Variants in STK4 observed in about 807,000 individuals in gnomAD.
The protein encoded by STK4 is serine/threonine-protein kinase 4.
STK4 carries 30 observed loss-of-function variants against 64.9 expected under a neutral mutation model. That is an observed-to-expected ratio of 0.46 (90% CI 0.35 to 0.63). STK4 has a LOEUF of 0.63. STK4 is among the 20% of genes least tolerant of loss of function. STK4 has a pLI of 0.01. For missense variants in STK4, 466 were observed against 598.5 expected, an observed-to-expected ratio of 0.78 and a Z score of 2.31; for synonymous variants, 177 against 199.0, an observed-to-expected ratio of 0.89 and a Z score of 0.93.
intron 4 of STK4, among the ~76,000 whole-genome samples, chr20:44,986,438 G>A (rs957721248): frequency 2.6e-5 from 4 of 152,212 alleles, no homozygotes; most frequent in Non-Finnish European, 5.9e-5. Context: ...GATTGAGCAA[G>A]GTAGAAAGTG....
chr20:45,008,094 G>GC (rs1290995533), intron 9 of STK4, among the ~76,000 whole-genome samples: 1 of 152,048 alleles, frequency 6.6e-6, no homozygotes, highest in Non-Finnish European at 1.5e-5. Flanking sequence ...TTGCTCTGTC[G>GC]CCCAGGCTGG....
intron 10 of STK4, among the ~76,000 whole-genome samples, chr20:45,071,932 A>AT (rs1202994887): frequency 1.3e-5 from 2 of 151,384 alleles, no homozygotes; most frequent in Non-Finnish European, 2.9e-5. Flanking sequence ...CACCTGGCTA[A>AT]TTTTTTTTCC....
chr20:45,020,809 T>C (rs1353605270), intron 9 of STK4, among the ~76,000 whole-genome samples: 1 of 142,684 alleles, frequency 7.0e-6, no homozygotes, highest in Non-Finnish European at 1.6e-5. Context: ...TAGTAAAATA[T>C]ACAAGACTTT....
At position 45,053,909 on chromosome 20, in the gene STK4, G is replaced by GT. The variant is rs1206966060; in HGVS notation, c.1306-21099dup. Among the ~76,000 whole-genome samples the GT allele has an allele frequency of 2.3e-3, 331 of 145,620 alleles. 2 individuals carry two copies. Among genetic ancestry groups the GT allele is most frequent in the African/African-American group, 6.9e-3 (271 of 39,166 alleles). On this transcript the variant is annotated intron_variant, in intron 10 of 10. Transcript: ENST00000372806. The stretch of plus-strand genomic sequence containing the variant: ...AGATAGTAGTTTTTTTTTGTTTTTT[G>GT]TTTTTTTTTTCAGCCAAAATTTGTC...
intron 10 of STK4, among the ~76,000 whole-genome samples, chr20:45,059,363 G>A (rs750076364): frequency 5.3e-5 from 8 of 152,008 alleles, no homozygotes; most frequent in Non-Finnish European, 1.0e-4. Context: ...GTTTCTCTTC[G>A]GCATATGTGA....
At position 44,971,116 on chromosome 20, in the gene STK4, CACACACACAT is replaced by C. The variant is rs1373715778; in HGVS notation, c.36-960_36-951del. ...ACACACACACACACACACACACACA[CACACACACAT>C]ATTCCTTGGCAAGTTCCTTCTTTAA... On this transcript the variant is annotated intron_variant, in intron 1 of 10. Coordinates refer to ENST00000372806, the MANE Select transcript of STK4 (RefSeq NM_006282.5). 4.2e-3 allele frequency among the ~76,000 whole-genome samples: 564 copies of C among 134,806 alleles called. 1 individual carries two copies. Among genetic ancestry groups the C allele is most frequent in the African/African-American group, 0.014 (528 of 38,722 alleles). 88.4% of individuals were successfully genotyped at this position (134,806 alleles called of 152,430 possible). A position where few individuals can be genotyped will look rare whatever the true frequency, so the allele number is the denominator to read the frequency against.
chr20:44,989,367 CG>C (rs1488040697), intron 5 of STK4, among the ~76,000 whole-genome samples: 1 of 151,952 alleles, frequency 6.6e-6, no homozygotes, highest in Admixed American at 6.6e-5. Flanking sequence ...CTAGTGATGT[CG>C]ACTGTCATTT....
chr20:45,075,159 C>T lies in STK4; in HGVS notation c.1447C>T (p.Arg483Trp), dbSNP rs201951179. ...GGATGCCATAGAGGCTAAGAAGAGA[C>T]GGCAACAAAACTTCTGAGCAAGGCC... Reference protein sequence around the residue: ...ILDAIEAKKRRQQNF With the variant: ...ILDAIEAKKRWQQNF The change falls in exon 11 of 11, where the codon CGG becomes TGG. Residue 483 changes from arginine to tryptophan, a missense_variant. Around this residue, in one of 2 missense-constraint regions of STK4, gnomAD observed 276 missense variants for 308.9 expected, o/e 0.89. Transcript: ENST00000372806. 3.5e-5 allele frequency: 56 copies of T among 1,613,916 alleles called. No homozygotes were observed. Among genetic ancestry groups the T allele is most frequent in the Admixed American group, 1.2e-4 (7 of 60,018 alleles).
At chr20:45,038,220 A>G (rs1453814305) in intron 10 of STK4, among the ~76,000 whole-genome samples, 1 of 152,056 alleles carries the variant, frequency 6.6e-6, no homozygotes, top group East Asian at 1.9e-4. Flanking sequence ...CTTCACCTCC[A>G]CTATTCACCC....
intron 9 of STK4, among the ~76,000 whole-genome samples, chr20:45,024,304 GT>G (rs371930369): frequency 6.2e-4 from 89 of 143,780 alleles, no homozygotes; most frequent in Middle Eastern, 3.7e-3. Flanking sequence ...TTTTCCCCTA[GT>G]TTTTTTTTTT....
chr20:45,025,941 T>C (rs1377885731), intron 10 of STK4, among the ~76,000 whole-genome samples: 1 of 152,158 alleles, frequency 6.6e-6, no homozygotes, highest in East Asian at 1.9e-4. Context: ...ACGCCATTCT[T>C]CCATAACTTA....
At chr20:45,008,583 GT>G (rs1226310822) in intron 9 of STK4, among the ~76,000 whole-genome samples, 1 of 152,152 alleles carries the variant, frequency 6.6e-6, no homozygotes, top group African/African-American at 2.4e-5. Context: ...TGGGATTGGT[GT>G]TTTAAGTTCT....
At chr20:45,053,310 C>T (rs2284275) in intron 10 of STK4, 300,819 of 677,412 alleles carry the variant, frequency 0.44, 70,008 homozygotes, top group Non-Finnish European at 0.48. Flanking sequence ...TAAATGCCTG[C>T]GGTTTTTGAC....
At position 44,978,591 on chromosome 20, in the gene STK4, C is replaced by G; in HGVS notation, c.245+20C>G. 2 of 1,611,400 alleles carry G rather than the reference C, an allele frequency of 1.2e-6. No individual in the cohort carries two copies. The highest frequency in any genetic ancestry group is 1.7e-6 in the Non-Finnish European group (2 of 1,178,866). On this transcript the variant is annotated intron_variant, in intron 3 of 10. Coordinates refer to ENST00000372806, the MANE Select transcript of STK4 (RefSeq NM_006282.5). ...TGACAGGTAAAGGCATGTGGGCTTC[C>G]TTTGGGGAGAATGTGGTTTTGAATT... is the stretch of plus-strand genomic sequence containing the variant.
intron 5 of STK4, among the ~76,000 whole-genome samples, chr20:44,993,672 T>C (rs1458128854): frequency 6.6e-6 from 1 of 152,176 alleles, no homozygotes. Context: ...TTTTCGTATT[T>C]AGTTCTGTTT....
At chr20:44,979,727 C>T (rs1444354354) in intron 3 of STK4, among the ~76,000 whole-genome samples, 3 of 152,264 alleles carry the variant, frequency 2.0e-5, no homozygotes, top group African/African-American at 7.2e-5. Context: ...GCCTTTCAGT[C>T]TCACAGACTT....
intron 9 of STK4, among the ~76,000 whole-genome samples, chr20:45,017,005 GA>G (rs1451402259): frequency 1.3e-5 from 2 of 152,140 alleles, no homozygotes; most frequent in Non-Finnish European, 2.9e-5. Context: ...AATTTAAGTG[GA>G]TCTATAAAGA....
chr20:44,990,445 A>AC (rs1018201511), intron 5 of STK4, among the ~76,000 whole-genome samples: 6 of 152,236 alleles, frequency 3.9e-5, no homozygotes, highest in African/African-American at 1.2e-4. Flanking sequence ...TTTTGTTAAA[A>AC]AAAATGAGAT....
At chr20:45,026,136 T>G (rs1369218630) in intron 10 of STK4, among the ~76,000 whole-genome samples, 1 of 151,362 alleles carries the variant, frequency 6.6e-6, no homozygotes, top group African/African-American at 2.4e-5. Flanking sequence ...TGGTTTTTTT[T>G]TTTTTTTTTG....
Sources: allele counts gnomAD v4.1 joint callset (sites outside exome capture counted in the v4.1 genomes callset), GRCh38; gene constraint gnomAD v4.1.1; regional missense constraint gnomAD v4.1.1; transcripts MANE v1.5; gene names NCBI Gene and HGNC (gene_info 2026-07-23, HGNC 2026-07-21).